Variants in PCNX2 observed in about 807,000 individuals in gnomAD.
PCNX2 encodes pecanex 2, also known as pecanex-like protein 2.
PCNX2 carries 168 observed loss-of-function variants against 223.8 expected under a neutral mutation model. The ratio of observed to expected loss-of-function variants is 0.75; its 90% CI spans 0.66 to 0.85. PCNX2 has a LOEUF of 0.85. Ranked by LOEUF, PCNX2 falls within the 40% of genes least tolerant of loss-of-function variation. The pLI is 0.00. For synonymous variants in PCNX2, 1,006 were observed against 1,052.6 expected (o/e 0.96, Z 0.86); for missense variants, 2,507 against 2,675.5 (o/e 0.94, Z 1.39).
intron 9 of PCNX2, among the ~76,000 whole-genome samples, chr1:233,233,165 C>T (rs1658172003): frequency 6.6e-6 from 1 of 152,178 alleles, no homozygotes; most frequent in African/African-American, 2.4e-5. Flanking sequence ...TTTTAAAAAC[C>T]ATGGTAATGA....
At chr1:233,097,369 T>C (rs993364982) in intron 21 of PCNX2, among the ~76,000 whole-genome samples, 2 of 149,678 alleles carry the variant, frequency 1.3e-5, no homozygotes, top group African/African-American at 4.9e-5. Flanking sequence ...AAATGAAAAA[T>C]GACAGGAAAA....
At chr1:233,082,094 C>T (rs1157469611) in intron 23 of PCNX2, among the ~76,000 whole-genome samples, 1 of 152,050 alleles carries the variant, frequency 6.6e-6, no homozygotes, top group Non-Finnish European at 1.5e-5. Flanking sequence ...GGGTTAATAT[C>T]GTGGCTCAGC....
chr1:233,295,530 G>T lies in PCNX2; in HGVS notation c.-52C>A. The T allele has an allele frequency of 6.8e-7, 1 of 1,464,296 alleles. No individual in the cohort carries two copies. 90.7% of individuals were successfully genotyped at this position (1,464,296 alleles called of 1,614,324 possible). ...CGCCCCGCTGCACCCTGCGCGCCCC[G>T]GCCGGATCTCCAGGCTCCCTCAGGT... On this transcript the variant is annotated 5_prime_UTR_variant, in exon 1 of 34. Transcript: ENST00000258229. This position sits in a 1 kb window ranked among gnomAD's most constrained non-coding sequence, Gnocchi z 4.1.
chr1:233,016,775 T>G (rs897344450), intron 27 of PCNX2, 146 bp downstream of exon 27: 19 of 1,417,624 alleles, frequency 1.3e-5, no homozygotes, highest in Non-Finnish European at 1.8e-5. Flanking sequence ...TTGCTTACCT[T>G]CAATAAACAT....
intron 1 of PCNX2, among the ~76,000 whole-genome samples, chr1:233,263,724 G>A (rs1660184945): frequency 6.6e-6 from 1 of 152,162 alleles, no homozygotes; most frequent in Non-Finnish European, 1.5e-5. Flanking sequence ...TCAAAGTGCT[G>A]AGATTAAAGG....
At chr1:233,223,669 G>A (rs1464643662) in intron 10 of PCNX2, among the ~76,000 whole-genome samples, 1 of 152,030 alleles carries the variant, frequency 6.6e-6, no homozygotes, top group African/African-American at 2.4e-5. Flanking sequence ...GTGTCCATGT[G>A]TTCTCATTGT....
chr1:233,059,969 T>C (rs1023464094), intron 23 of PCNX2, among the ~76,000 whole-genome samples: 2 of 152,120 alleles, frequency 1.3e-5, no homozygotes, highest in African/African-American at 4.8e-5. Context: ...AAGGCTTGTC[T>C]TCAGAAAAAA....
chr1:233,074,361 G>A (rs775100984), intron 23 of PCNX2, among the ~76,000 whole-genome samples: 3 of 152,054 alleles, frequency 2.0e-5, no homozygotes, highest in African/African-American at 7.2e-5. Context: ...TTGGGAGGCC[G>A]AGGCGGGCAG....
At chr1:233,112,959 G>C (rs1299703560) in intron 21 of PCNX2, 1 of 1,289,326 alleles carries the variant, frequency 7.8e-7, no homozygotes, top group Non-Finnish European at 1.0e-6. Context: ...TTGTGTGTGG[G>C]TGCCGTCCTA....
chr1:233,177,750 T>G, intron 17 of PCNX2, 52 bp downstream of exon 17: 2 of 1,476,702 alleles, frequency 1.4e-6, no homozygotes, highest in Admixed American at 3.4e-5. Flanking sequence ...GCCTGATCTC[T>G]GCTGAAAGAT....
the PCNX2 span, among the ~76,000 whole-genome samples, chr1:233,308,282 T>C: frequency 6.6e-6 from 1 of 151,636 alleles, no homozygotes; most frequent in Admixed American, 6.6e-5. Context: ...CATGACAAAA[T>C]CCCGTCTCTT....
In PCNX2 at chr1:233,095,744, A is replaced by G; in HGVS notation, c.3946+11T>C. The G allele has an allele frequency of 6.3e-7, 1 of 1,577,798 alleles. No homozygotes were observed. Among genetic ancestry groups the G allele is most frequent in the Non-Finnish European group, 8.7e-7 (1 of 1,153,104 alleles). The stretch of plus-strand genomic sequence containing the variant: ...TCAGCTGGAGGGTGAAAATAGAAGC[A>G]GAAAGGATACGAGGAATGGCAAAGA... On this transcript the variant is annotated intron_variant, in intron 22 of 33. Transcript: ENST00000258229.
intron 25 of PCNX2, among the ~76,000 whole-genome samples, chr1:233,048,605 T>C (rs1343269332): frequency 6.6e-6 from 1 of 152,054 alleles, no homozygotes; most frequent in Non-Finnish European, 1.5e-5. Context: ...CTAAAGGAAC[T>C]AGAAAAACAA....
At chr1:233,019,893 A>G (rs573033109) in intron 26 of PCNX2, among the ~76,000 whole-genome samples, 1 of 152,304 alleles carries the variant, frequency 6.6e-6, no homozygotes, top group Admixed American at 6.5e-5. Flanking sequence ...GCAAAAGAGT[A>G]ACGATGCCCA....
At chr1:233,112,925 T>C (rs1015001491) in intron 21 of PCNX2, 5 of 1,289,300 alleles carry the variant, frequency 3.9e-6, no homozygotes, top group Non-Finnish European at 5.1e-6. Context: ...CTTGCATGGT[T>C]TGAGTTAAGG....
At chr1:233,025,071 T>C (rs1437739702) in intron 26 of PCNX2, 75 bp downstream of exon 26, 57 of 1,565,108 alleles carry the variant, frequency 3.6e-5, no homozygotes, top group Admixed American at 3.3e-4. Flanking sequence ...AATTTAGCTT[T>C]CGACAGAGCT....
At chr1:233,249,008 G>T (rs947976351) in intron 8 of PCNX2, among the ~76,000 whole-genome samples, 7 of 148,830 alleles carry the variant, frequency 4.7e-5, no homozygotes, top group Admixed American at 1.3e-4. Flanking sequence ...AGAAGCTGGA[G>T]GAAGTTTAAT....
At chr1:233,148,234 C>T (rs975534908) in intron 19 of PCNX2, among the ~76,000 whole-genome samples, 4 of 152,062 alleles carry the variant, frequency 2.6e-5, no homozygotes, top group African/African-American at 7.2e-5. Flanking sequence ...TCCCAAGGCA[C>T]GGTTTTCCTG....
chr1:233,182,346 A>G lies in PCNX2; in HGVS notation c.3067-3171T>C, dbSNP rs970478680. ...CTGCTCCAATTTGCTTCTTCTTTCCATTGCATCCTGTCTGGTTAAGGCTTC... is the reference window on the plus strand; with the variant it reads ...CTGCTCCAATTTGCTTCTTCTTTCCGTTGCATCCTGTCTGGTTAAGGCTTC... On this transcript the variant is annotated intron_variant, in intron 15 of 33. Coordinates refer to ENST00000258229, the MANE Select transcript of PCNX2 (RefSeq NM_014801.4). Among the ~76,000 whole-genome samples the G allele has an allele frequency of 2.0e-5, 3 of 151,970 alleles. No homozygotes were observed. In the East Asian group the frequency reaches 5.8e-4, roughly 29 times the overall value.
Sources: allele counts gnomAD v4.1 joint callset (sites outside exome capture counted in the v4.1 genomes callset), GRCh38; gene constraint gnomAD v4.1.1; non-coding constraint Gnocchi (gnomAD v3.1); transcripts MANE v1.5; gene names NCBI Gene and HGNC (gene_info 2026-07-23, HGNC 2026-07-21).